MINDY3: variants seen among roughly 807,000 people sequenced by gnomAD.
MINDY3 encodes MINDY lysine 48 deubiquitinase 3, also known as ubiquitin carboxyl-terminal hydrolase MINDY-3.
Under a neutral mutation model 69.2 loss-of-function variants are expected in MINDY3, and 38 were observed. The ratio of observed to expected loss-of-function variants is 0.55; its 90% confidence interval spans 0.42 to 0.72. The LOEUF is 0.72. MINDY3 is among the 30% of genes least tolerant of loss of function. MINDY3 has a pLI of 0.00. For synonymous variants in MINDY3, 192 were observed against 180.1 expected, an observed-to-expected ratio of 1.07 and a Z score of -0.53; for missense variants, 522 against 519.0, an observed-to-expected ratio of 1.01 and a Z score of -0.06.
chr10:15,789,230 C>G lies in MINDY3; in HGVS notation c.1028+17G>C. On this transcript the variant is annotated intron_variant, in intron 12 of 14. Coordinates refer to ENST00000277632, the MANE Select transcript of MINDY3 (RefSeq NM_024948.4). ...ATCTTTTTGAGTTGGCTAAATAACA[C>G]TTCCTATTTAGCTTACTATTCAGGA... 6.3e-7 allele frequency: 1 copy of G among 1,583,712 alleles called. No homozygotes were observed. Among genetic ancestry groups the G allele is most frequent in the Non-Finnish European group, 8.7e-7 (1 of 1,154,138 alleles).
intron 11 of MINDY3, among the ~76,000 whole-genome samples, chr10:15,789,727 C>G (rs548572733): frequency 6.6e-6 from 1 of 152,158 alleles, no homozygotes; most frequent in South Asian, 2.1e-4. Context: ...CCCTTTGTCA[C>G]AATGTTATTT....
intron 8 of MINDY3, among the ~76,000 whole-genome samples, chr10:15,832,507 G>A (rs1832799955): frequency 1.3e-5 from 2 of 152,116 alleles, no homozygotes; most frequent in Admixed American, 6.5e-5. Context: ...AAGGGTTGAA[G>A]AATAGGATGA....
At chr10:15,846,435 A>G (rs559397973) in intron 2 of MINDY3, among the ~76,000 whole-genome samples, 8 of 152,326 alleles carry the variant, frequency 5.3e-5, no homozygotes, top group African/African-American at 1.9e-4. Flanking sequence ...TCAGTTACTC[A>G]GTACAACAGC....
rs1369642084 is a variant in MINDY3, at chr10:15,860,417, G to A, written c.-118C>T. On this transcript the variant is annotated 5_prime_UTR_variant, in exon 1 of 15. Coordinates refer to ENST00000277632, the MANE Select transcript of MINDY3 (RefSeq NM_024948.4). ...CGGCGGCAAACGAATTGGAAGGTGA[G>A]GCAGGAAAGAAGAAGGGGCTGAGAG... 6 of 767,812 alleles carry A rather than the reference G, an allele frequency of 7.8e-6. No individual in the cohort carries two copies. The highest frequency in any genetic ancestry group is 1.4e-5 in the Non-Finnish European group (6 of 444,138). 47.6% of individuals were successfully genotyped at this position (767,812 alleles called of 1,614,324 possible).
intron 12 of MINDY3, among the ~76,000 whole-genome samples, chr10:15,788,062 T>C (rs1413294130): frequency 6.6e-6 from 1 of 151,712 alleles, no homozygotes; most frequent in East Asian, 1.9e-4. Flanking sequence ...TATATAGCTA[T>C]GGAAGAATTT....
At chr10:15,850,231 A>G (rs2132128044) in intron 1 of MINDY3, among the ~76,000 whole-genome samples, 1 of 152,306 alleles carries the variant, frequency 6.6e-6, no homozygotes, top group East Asian at 1.9e-4. Flanking sequence ...ATGTCGCCTC[A>G]GGATCCTGTG....
intron 12 of MINDY3, chr10:15,788,767 T>C (rs1837179351): frequency 6.5e-6 from 1 of 152,756 alleles, no homozygotes; most frequent in South Asian, 2.1e-4. Flanking sequence ...TATGCCATAA[T>C]ATATTGCAGC....
At chr10:15,816,785 C>T in intron 10 of MINDY3, 50 bp downstream of exon 10, 1 of 1,231,562 alleles carries the variant, frequency 8.1e-7, no homozygotes, top group South Asian at 1.2e-5. Context: ...ACTTATAATA[C>T]TTGTTTGCCT....
At position 15,778,699 on chromosome 10, in the gene MINDY3, G is replaced by C. The variant is rs952676873; in HGVS notation, c.*293C>G. The stretch of plus-strand genomic sequence containing the variant: ...TAATATACAAATGCTGTAGTATTGC[G>C]TTTGTAATTTGGTAAGTAAATGACC... On this transcript the variant is annotated 3_prime_UTR_variant, in exon 15 of 15. Coordinates refer to ENST00000277632, the MANE Select transcript of MINDY3 (RefSeq NM_024948.4). The C allele has an allele frequency of 1.6e-5, 4 of 251,696 alleles. No individual in the cohort carries two copies. The South Asian group carries it at 2.6e-4, about 16-fold the overall frequency. The allele number at this position is 251,696 out of a possible 1,614,324, so 15.6% of individuals were successfully genotyped here. A position where few individuals can be genotyped will look rare whatever the true frequency, so the allele number is the denominator to read the frequency against.
intron 5 of MINDY3, 152 bp from the exon 6 acceptor site, chr10:15,837,470 C>T: frequency 1.5e-6 from 2 of 1,328,410 alleles, no homozygotes; most frequent in South Asian, 2.8e-5. Flanking sequence ...ACAAATTTAG[C>T]CACTAAAACC....
At position 15,799,710 on chromosome 10, in the gene MINDY3, G is replaced by C. The variant is rs150364484; in HGVS notation, c.883-3538C>G. ...AACTGAAAAAGGTGAACAGGACTGAGAACTGTGACAGAAAAGGAGGACTTA... is the reference window on the plus strand; with the variant it reads ...AACTGAAAAAGGTGAACAGGACTGACAACTGTGACAGAAAAGGAGGACTTA... On this transcript the variant is annotated intron_variant, in intron 10 of 14. Coordinates refer to ENST00000277632, the MANE Select transcript of MINDY3 (RefSeq NM_024948.4). Among the ~76,000 whole-genome samples, 478 of 152,196 alleles carry C rather than the reference G, an allele frequency of 3.1e-3. 3 individuals are homozygous for C. The highest frequency in any genetic ancestry group is 0.011 in the African/African-American group (455 of 41,548).
At position 15,829,899 on chromosome 10, in the gene MINDY3, G is replaced by A. The variant is rs145766780; in HGVS notation, c.730+3731C>T. ...CAGATAATTTAGCAGTTTGCCCACC[G>A]TCAAACAGCAGAGGCATAAACTAAC... On this transcript the variant is annotated intron_variant, in intron 8 of 14. Transcript: ENST00000277632. 9.2e-3 allele frequency among the ~76,000 whole-genome samples: 1,400 copies of A among 152,252 alleles called. 6 individuals are homozygous for A. The highest frequency in any genetic ancestry group is 0.015 in the Non-Finnish European group (1,017 of 68,008).
At chr10:15,824,741 T>C (rs899351511) in intron 8 of MINDY3, among the ~76,000 whole-genome samples, 2 of 152,206 alleles carry the variant, frequency 1.3e-5, no homozygotes, top group Non-Finnish European at 2.9e-5. Context: ...TACTACATCA[T>C]CTATTTCCCT....
intron 4 of MINDY3, among the ~76,000 whole-genome samples, chr10:15,838,736 T>C (rs1217901119): frequency 6.6e-6 from 1 of 151,756 alleles, no homozygotes; most frequent in African/African-American, 2.4e-5. Flanking sequence ...ACTTTCAAAC[T>C]ACACAGGTTC....
chr10:15,808,207 TTAAAC>T (rs2131940922), intron 10 of MINDY3, among the ~76,000 whole-genome samples: 1 of 152,292 alleles, frequency 6.6e-6, no homozygotes, highest in South Asian at 2.1e-4. Context: ...GAAGTTATGA[TTAAAC>T]TACAAGAACA....
chr10:15,833,658 C>G lies in MINDY3; in HGVS notation c.702G>C (p.Trp234Cys). ...TTCCTGAGCACTCTCTATCACCATC[C>G]CATACATTAGAAACAGCATGTCCCG... ...LLTGHAVSNV[W>C]DGDRECSGMK... Residue 234 changes from tryptophan to cysteine, a missense_variant, in exon 8 of 15, where the codon TGG becomes TGC. By Grantham distance (215) the Trp-to-Cys change is radical (BLOSUM62 -2). Transcript: ENST00000277632. 3 of 1,610,352 alleles carry G rather than the reference C, an allele frequency of 1.9e-6. No individual in the cohort carries two copies. Among genetic ancestry groups the G allele is most frequent in the African/African-American group, 1.3e-5 (1 of 74,908 alleles).
chr10:15,813,180 A>T (rs1232185114), intron 10 of MINDY3, among the ~76,000 whole-genome samples: 1 of 151,972 alleles, frequency 6.6e-6, no homozygotes, highest in East Asian at 1.9e-4. Context: ...AGTTGTCCTA[A>T]CTCTTAGTAT....
intron 1 of MINDY3, 117 bp downstream of exon 1, chr10:15,860,089 A>T: frequency 1.3e-6 from 1 of 756,404 alleles, no homozygotes; most frequent in Non-Finnish European, 2.2e-6. Context: ...AGCGCTGAGC[A>T]CGGCGACTGG....
chr10:15,837,376 A>T, intron 5 of MINDY3, 58 bp from the exon 6 acceptor site: 1 of 1,360,908 alleles, frequency 7.3e-7, no homozygotes, highest in Admixed American at 2.2e-5. Context: ...ACATTCATAA[A>T]AGGGAAAATT....
Sources: allele counts gnomAD v4.1 joint callset (sites outside exome capture counted in the v4.1 genomes callset), GRCh38; gene constraint gnomAD v4.1.1; transcripts MANE v1.5; gene names NCBI Gene and HGNC (gene_info 2026-07-23, HGNC 2026-07-21).